HDAC9: variants seen among roughly 807,000 people sequenced by gnomAD.
The protein encoded by HDAC9 is histone deacetylase 9, also known as MEF-2 interacting transcription repressor (MITR) protein.
In HDAC9, 41 loss-of-function variants were observed where a neutral mutation model predicts 139.4. The ratio of observed to expected loss-of-function variants is 0.29; its 90% CI spans 0.23 to 0.38. The LOEUF is 0.38. HDAC9 is among the 10% of genes least tolerant of loss of function. The probability of loss-of-function intolerance (pLI) is 1.00; values close to 1 mark genes in which losing one functional copy is unlikely to be tolerated. For synonymous variants in HDAC9, 517 were observed against 476.2 expected, an observed-to-expected ratio of 1.09 and a Z score of -1.12; for missense variants, 1,147 against 1,297.0, an observed-to-expected ratio of 0.88 and a Z score of 1.78.
chr7:18,769,955 A>C (rs1204481828), intron 16 of HDAC9, among the ~76,000 whole-genome samples: 1 of 152,118 alleles, frequency 6.6e-6, no homozygotes, highest in African/African-American at 2.4e-5. Context: ...CCAATTGTTA[A>C]AGTAAACGCC....
intron 8 of HDAC9, among the ~76,000 whole-genome samples, chr7:18,643,830 T>A (rs534235635): frequency 6.6e-6 from 1 of 152,194 alleles, no homozygotes; most frequent in South Asian, 2.1e-4. Context: ...TCAGGGATGT[T>A]GTTCCCTTGG....
At chr7:18,391,019 G>T (rs2128723081) in intron 1 of HDAC9, among the ~76,000 whole-genome samples, 1 of 152,256 alleles carries the variant, frequency 6.6e-6, no homozygotes, top group East Asian at 1.9e-4. Flanking sequence ...AACCCGGGAA[G>T]TGGAAGTTGC....
intron 2 of HDAC9, among the ~76,000 whole-genome samples, chr7:18,552,883 A>G (rs577316868): frequency 3.3e-5 from 5 of 152,312 alleles, no homozygotes; most frequent in African/African-American, 1.2e-4. Flanking sequence ...AGAGAAGATT[A>G]TTCTTCCAGA....
Position 18,175,334 on chromosome 7 carries a change from T to C in HDAC9, c.25+12985T>C, listed in dbSNP as rs182387963. ...TGGAAAAACGCAGTATTTGGTTGGGTGGTGTCCCGTTTTTCCAGGTACCAT... is the reference window on the plus strand; with the variant it reads ...TGGAAAAACGCAGTATTTGGTTGGGCGGTGTCCCGTTTTTCCAGGTACCAT... On this transcript the variant is annotated intron_variant, in intron 2 of 12. Coordinates refer to the HDAC9 transcript ENST00000417496. Among the ~76,000 whole-genome samples, 3 of 152,324 alleles carry C rather than the reference T, an allele frequency of 2.0e-5. No individual in the cohort carries two copies. The East Asian group carries it at 5.8e-4, about 29-fold the overall frequency.
At chr7:18,256,320 C>G (rs917914817) in intron 2 of HDAC9, among the ~76,000 whole-genome samples, 1 of 152,114 alleles carries the variant, frequency 6.6e-6, no homozygotes, top group African/African-American at 2.4e-5. Context: ...AATAATAATA[C>G]TGCATAACAT....
intron 1 of HDAC9, among the ~76,000 whole-genome samples, chr7:18,444,747 A>G (rs1401404564): frequency 6.6e-5 from 10 of 152,186 alleles, no homozygotes; most frequent in Non-Finnish European, 8.8e-5. Flanking sequence ...TTTGCACCAG[A>G]ATATAAATTT....
chr7:18,857,096 C>A (rs772962061), intron 21 of HDAC9, among the ~76,000 whole-genome samples: 16 of 152,110 alleles, frequency 1.1e-4, no homozygotes, highest in Non-Finnish European at 8.8e-5. Context: ...AAATTTTTAT[C>A]TTTTTCTCTA....
intron 2 of HDAC9, among the ~76,000 whole-genome samples, chr7:18,283,818 A>G (rs1217697550): frequency 6.6e-6 from 1 of 152,224 alleles, no homozygotes; most frequent in Non-Finnish European, 1.5e-5. Flanking sequence ...GCTCAAAAGG[A>G]AACAGGAATA....
intron 2 of HDAC9, among the ~76,000 whole-genome samples, chr7:18,174,533 CT>C: frequency 6.6e-6 from 1 of 152,320 alleles, no homozygotes; most frequent in Non-Finnish European, 1.5e-5. Context: ...AAGAGGTGCT[CT>C]GGATTTTAGA....
At chr7:18,152,316 G>A (rs1286207050) in intron 1 of HDAC9, among the ~76,000 whole-genome samples, 1 of 152,124 alleles carries the variant, frequency 6.6e-6, no homozygotes, top group African/African-American at 2.4e-5. Context: ...AGGTCAGAAT[G>A]GTAAATAATT....
chr7:18,895,111 C>G (rs965376689), intron 22 of HDAC9, among the ~76,000 whole-genome samples: 3 of 152,076 alleles, frequency 2.0e-5, no homozygotes, highest in Non-Finnish European at 4.4e-5. Context: ...CGGAAAATAG[C>G]TTAGAACAAC....
chr7:18,437,400 A>G (rs1791303736), intron 1 of HDAC9, among the ~76,000 whole-genome samples: 1 of 152,086 alleles, frequency 6.6e-6, no homozygotes. Context: ...AACTCATTTC[A>G]AGCCTTTGCA....
chr7:18,569,063 TAAATA>T (rs1563315112), intron 2 of HDAC9, among the ~76,000 whole-genome samples: 1 of 151,384 alleles, frequency 6.6e-6, no homozygotes. Context: ...AATAAATAAA[TAAATA>T]AAATAAAATA....
Position 18,469,350 on chromosome 7 carries a change from A to G in HDAC9, c.-41-26912A>G, listed in dbSNP as rs1013162176. 4.6e-5 allele frequency among the ~76,000 whole-genome samples: 7 copies of G among 152,216 alleles called. No individual in the cohort carries two copies. In the South Asian group the frequency reaches 6.2e-4, roughly 13 times the overall value. ...AACTTTATATTATTATTCACCATCA[A>G]TTATAGATCTCATAAATCAAAAAGC... On this transcript the variant is annotated intron_variant, in intron 1 of 3. Coordinates refer to the HDAC9 transcript ENST00000413509.
intron 1 of HDAC9, among the ~76,000 whole-genome samples, chr7:18,116,018 A>G (rs1369344322): frequency 1.3e-5 from 2 of 152,178 alleles, no homozygotes; most frequent in East Asian, 3.8e-4. Context: ...GTTTATTTCT[A>G]TAGAGAAAAA....
At chr7:18,645,705 G>T (rs1250336475) in intron 9 of HDAC9, among the ~76,000 whole-genome samples, 1 of 152,128 alleles carries the variant, frequency 6.6e-6, no homozygotes, top group East Asian at 1.9e-4. Flanking sequence ...TAATTAAATT[G>T]TATATATACA....
intron 17 of HDAC9, among the ~76,000 whole-genome samples, chr7:18,827,168 A>G (rs1482959641): frequency 6.6e-6 from 1 of 151,960 alleles, no homozygotes; most frequent in East Asian, 1.9e-4. Flanking sequence ...ATATTATACT[A>G]TGTATATTAT....
intron 11 of HDAC9, among the ~76,000 whole-genome samples, chr7:18,656,399 G>A (rs1791193664): frequency 6.6e-6 from 1 of 152,188 alleles, no homozygotes; most frequent in Admixed American, 6.6e-5. Flanking sequence ...AAGAAGGCAT[G>A]TTCTTTCCCT....
intron 1 of HDAC9, among the ~76,000 whole-genome samples, chr7:18,115,209 C>A (rs1783894391): frequency 6.6e-6 from 1 of 151,598 alleles, no homozygotes; most frequent in African/African-American, 2.4e-5. Flanking sequence ...AGGAGAATGG[C>A]ATGAACCCGG....
Sources: allele counts gnomAD v4.1 joint callset (sites outside exome capture counted in the v4.1 genomes callset), GRCh38; gene constraint gnomAD v4.1.1; transcripts MANE v1.5; gene names NCBI Gene and HGNC (gene_info 2026-07-23, HGNC 2026-07-21).